The following DIP2B variants were observed in gnomAD, a reference collection of about 807,000 sequenced individuals.
DIP2B encodes the protein DIP2 acetate--CoA ligase B (putative), also known as disco-interacting protein 2 homolog B.
Under a neutral mutation model 198.0 loss-of-function variants are expected in DIP2B, and 76 were observed. The ratio of observed to expected loss-of-function variants is 0.38; its 90% confidence interval spans 0.32 to 0.46. The LOEUF is 0.46. DIP2B is among the 20% of genes least tolerant of loss of function. The probability of loss-of-function intolerance (pLI) is 0.99; values close to 1 mark genes in which losing one functional copy is unlikely to be tolerated. For missense variants in DIP2B, 1,559 were observed against 1,978.4 expected, an observed-to-expected ratio of 0.79 and a Z score of 4.02; for synonymous variants, 701 against 739.1, an observed-to-expected ratio of 0.95 and a Z score of 0.84.
intron 1 of DIP2B, among the ~76,000 whole-genome samples, chr12:50,612,637 C>T (rs1451239437): frequency 6.6e-6 from 1 of 152,034 alleles, no homozygotes; most frequent in Non-Finnish European, 1.5e-5. Context: ...CCATGTTGAC[C>T]AGGGTTGTCT....
chr12:50,722,189 T>C (rs909194328), intron 26 of DIP2B, among the ~76,000 whole-genome samples: 1 of 152,284 alleles, frequency 6.6e-6, no homozygotes, highest in Non-Finnish European at 1.5e-5. Flanking sequence ...ACATCCAGCT[T>C]TCTTTGGCCT....
At chr12:50,605,965 G>A (rs1377479220) in intron 1 of DIP2B, among the ~76,000 whole-genome samples, 6 of 152,136 alleles carry the variant, frequency 3.9e-5, no homozygotes, top group African/African-American at 7.2e-5. Context: ...GGGATTACAG[G>A]TGTGTGCCAC....
Position 50,732,457 on chromosome 12 carries a change from T to C in DIP2B, c.3902T>C (p.Leu1301Pro). Reference protein sequence around the residue: ...RVALQQSFSKLFKDIGLSPRA... With the variant: ...RVALQQSFSKPFKDIGLSPRA... Reference sequence around the variant, plus strand: ...GCACTCCAGCAGTCCTTCTCTAAGCTCTTCAAAGACATCGGGCTGTCCCCG... The same window carrying C: ...GCACTCCAGCAGTCCTTCTCTAAGCCCTTCAAAGACATCGGGCTGTCCCCG... Residue 1301 changes from leucine (L) to proline (P), a missense_variant, in exon 32 of 38, where the codon CTC becomes CCC. Coordinates refer to ENST00000301180, the MANE Select transcript of DIP2B (RefSeq NM_173602.3). 1 of 1,614,228 alleles carries C rather than the reference T, an allele frequency of 6.2e-7. No homozygotes were observed. The highest frequency in any genetic ancestry group is 8.5e-7 in the Non-Finnish European group (1 of 1,180,032).
At chr12:50,744,350 T>C (rs1385172244) in intron 37 of DIP2B, among the ~76,000 whole-genome samples, 1 of 152,006 alleles carries the variant, frequency 6.6e-6, no homozygotes. Context: ...TCTGGACAAC[T>C]CAGCTGTGTT....
intron 1 of DIP2B, among the ~76,000 whole-genome samples, chr12:50,622,887 C>T (rs1397054789): frequency 6.6e-6 from 1 of 151,874 alleles, no homozygotes; most frequent in Non-Finnish European, 1.5e-5. Flanking sequence ...GCTGGGATTA[C>T]AGGCGTGAGC....
intron 1 of DIP2B, among the ~76,000 whole-genome samples, chr12:50,519,711 T>TC (rs1278161155): frequency 6.6e-6 from 1 of 152,080 alleles, no homozygotes; most frequent in East Asian, 1.9e-4. Context: ...TAGTCTTTTT[T>TC]CCCCCAGGAT....
chr12:50,729,245 C>G (rs909624672), intron 30 of DIP2B, among the ~76,000 whole-genome samples: 1 of 152,178 alleles, frequency 6.6e-6, no homozygotes, highest in African/African-American at 2.4e-5. Context: ...CCTGTTCTCT[C>G]TTTGTTAGGA....
At chr12:50,719,872 T>C in intron 25 of DIP2B, among the ~76,000 whole-genome samples, 1 of 147,398 alleles carries the variant, frequency 6.8e-6, no homozygotes, top group East Asian at 2.0e-4. Context: ...ATATATATTA[T>C]ATTAAATATA....
chr12:50,631,126 CCTT>C (rs941584215), intron 2 of DIP2B, among the ~76,000 whole-genome samples: 3 of 151,426 alleles, frequency 2.0e-5, no homozygotes, highest in Admixed American at 6.6e-5. Context: ...TCCTCCTCCT[CCTT>C]CTTTTCTTTT....
chr12:50,653,593 T>G (rs1938501135), intron 3 of DIP2B, among the ~76,000 whole-genome samples: 1 of 151,878 alleles, frequency 6.6e-6, no homozygotes, highest in Non-Finnish European at 1.5e-5. Flanking sequence ...CTGCCCACCT[T>G]GGCCTCCCAA....
At chr12:50,692,879 G>A (rs1183331498) in intron 13 of DIP2B, 70 bp from the exon 14 acceptor site, 1 of 1,298,006 alleles carries the variant, frequency 7.7e-7, no homozygotes, top group Non-Finnish European at 1.1e-6. Context: ...GTTTATAAGA[G>A]GCAAGTGACA....
At chr12:50,571,644 C>T (rs1958615987) in intron 1 of DIP2B, among the ~76,000 whole-genome samples, 1 of 147,832 alleles carries the variant, frequency 6.8e-6, no homozygotes, top group Non-Finnish European at 1.5e-5. Flanking sequence ...CCTCCGCCTC[C>T]TGGGTTCAAG....
At chr12:50,558,537 C>A (rs1018001821) in intron 1 of DIP2B, among the ~76,000 whole-genome samples, 2 of 152,136 alleles carry the variant, frequency 1.3e-5, no homozygotes, top group Admixed American at 1.3e-4. Context: ...TATTTCTGAA[C>A]TTGTATTCTA....
intron 3 of DIP2B, among the ~76,000 whole-genome samples, chr12:50,644,955 A>G (rs1447020081): frequency 1.3e-5 from 2 of 152,184 alleles, no homozygotes; most frequent in Non-Finnish European, 2.9e-5. Context: ...AGTAGAAGTG[A>G]TTAATCATTT....
At chr12:50,736,896 G>T in intron 34 of DIP2B, 140 bp from the exon 35 acceptor site, 1 of 718,440 alleles carries the variant, frequency 1.4e-6, no homozygotes, top group East Asian at 2.6e-5. Flanking sequence ...GATCCCCTCA[G>T]GGTAGCTGCT....
chr12:50,568,750 C>A (rs2139405264), intron 1 of DIP2B, among the ~76,000 whole-genome samples: 1 of 152,234 alleles, frequency 6.6e-6, no homozygotes, highest in Non-Finnish European at 1.5e-5. Flanking sequence ...AGGAGAGAGG[C>A]TGAGGGGAGC....
intron 4 of DIP2B, among the ~76,000 whole-genome samples, chr12:50,667,423 AT>A (rs1379162182): frequency 6.6e-6 from 1 of 152,192 alleles, no homozygotes; most frequent in Non-Finnish European, 1.5e-5. Flanking sequence ...ATAAATTTCT[AT>A]TATTTAATTT....
intron 1 of DIP2B, among the ~76,000 whole-genome samples, chr12:50,516,120 G>A (rs1565809404): frequency 6.6e-6 from 1 of 151,944 alleles, no homozygotes; most frequent in Non-Finnish European, 1.5e-5. Context: ...TGGTGGGAGG[G>A]GCAAACAGGC....
intron 32 of DIP2B, among the ~76,000 whole-genome samples, chr12:50,732,983 G>A (rs1390465663): frequency 1.3e-5 from 2 of 151,794 alleles, no homozygotes; most frequent in Non-Finnish European, 2.9e-5. Flanking sequence ...TCAGCTTACT[G>A]CAACCTCCAC....
Sources: gnomAD v4.1 joint callset for allele counts (sites outside exome capture counted in the v4.1 genomes callset) on GRCh38, gnomAD v4.1.1 for gene constraint, MANE v1.5 for transcripts, NCBI Gene and HGNC (gene_info 2026-07-23, HGNC 2026-07-21) for gene names.